The following CDC42BPB variants were observed in gnomAD, a reference collection of about 807,000 sequenced individuals.
CDC42BPB encodes serine/threonine-protein kinase MRCK beta.
In CDC42BPB, 37 loss-of-function variants were observed where a neutral mutation model predicts 214.9. That is an observed-to-expected ratio of 0.17 (90% confidence interval 0.13 to 0.23). The LOEUF (loss-of-function observed/expected upper bound fraction) is 0.23. Among genes scored for constraint, CDC42BPB ranks in the 10% least tolerant of loss-of-function variants. The pLI is 1.00. For synonymous variants in CDC42BPB, 931 were observed against 884.0 expected (o/e 1.05, Z -0.94); for missense variants, 1,694 against 2,227.0 (o/e 0.76, Z 4.82).
intron 1 of CDC42BPB, among the ~76,000 whole-genome samples, chr14:103,028,114 A>G (rs986337004): frequency 1.3e-5 from 2 of 152,230 alleles, no homozygotes; most frequent in African/African-American, 4.8e-5. Flanking sequence ...TGGGTGACAG[A>G]GCAAGACTCC....
At chr14:102,965,619 T>A (rs573647994) in intron 18 of CDC42BPB, among the ~76,000 whole-genome samples, 54 of 152,212 alleles carry the variant, frequency 3.5e-4, no homozygotes, top group Middle Eastern at 3.4e-3. Context: ...TGAACACAAT[T>A]GAGAATGCTT....
chr14:102,972,400 C>G (rs1381137248), intron 12 of CDC42BPB: 1 of 913,592 alleles, frequency 1.1e-6, no homozygotes, highest in African/African-American at 1.8e-5. Flanking sequence ...AAGAAAGGCC[C>G]CACAGGCCGG....
At chr14:103,018,596 G>C (rs1227326609) in intron 1 of CDC42BPB, among the ~76,000 whole-genome samples, 1 of 152,154 alleles carries the variant, frequency 6.6e-6, no homozygotes, top group Admixed American at 6.5e-5. Context: ...ATGTGCACTA[G>C]GTTTCTAGCC....
intron 24 of CDC42BPB, 176 bp from the exon 25 acceptor site, chr14:102,950,778 C>A: frequency 3.0e-6 from 2 of 672,994 alleles, no homozygotes; most frequent in Non-Finnish European, 3.7e-6. Flanking sequence ...CCAGCCTGGC[C>A]AACATGGTGA....
At chr14:102,934,902 C>T (rs147558195) in intron 36 of CDC42BPB, among the ~76,000 whole-genome samples, 4,804 of 144,738 alleles carry the variant, frequency 0.033, 83 homozygotes, top group Non-Finnish European at 0.041. Context: ...CCCAGCTACT[C>T]GGGAGGCTGA....
chr14:103,041,406 G>C (rs1269521783), intron 1 of CDC42BPB: 4 of 636,494 alleles, frequency 6.3e-6, no homozygotes, highest in Non-Finnish European at 1.0e-5. Flanking sequence ...AGATATGACA[G>C]CAAAAAAAAC....
chr14:102,970,210 G>C lies in CDC42BPB; in HGVS notation c.1936C>G (p.Leu646Val), dbSNP rs1247042382. Residue 646 changes from leucine (L) to valine (V), a missense_variant, in exon 14 of 37, where the codon CTT becomes GTT. This residue lies in a region of CDC42BPB where 462 missense variants were observed against 513.5 expected (regional missense o/e 0.90). Coordinates refer to ENST00000361246, the MANE Select transcript of CDC42BPB (RefSeq NM_006035.4). ...AVAEASKERK[L>V]REHSENFCKQ... ...CAGAAGTTCTCGCTGTGCTCACGAA[G>C]CTTGCGCTCCTTGGAGGCCTCAGCA... 1.2e-6 allele frequency: 2 copies of C among 1,613,932 alleles called. No homozygotes were observed. Among genetic ancestry groups the C allele is most frequent in the Admixed American group, 1.7e-5 (1 of 60,008 alleles).
At chr14:103,052,468 C>T (rs1888661668) in intron 1 of CDC42BPB, among the ~76,000 whole-genome samples, 1 of 152,012 alleles carries the variant, frequency 6.6e-6, no homozygotes, top group South Asian at 2.1e-4. Context: ...ATGTTTAGCA[C>T]CGTGTCAGTT....
At chr14:102,958,357 G>A (rs1351139472) in intron 21 of CDC42BPB, among the ~76,000 whole-genome samples, 1 of 152,222 alleles carries the variant, frequency 6.6e-6, no homozygotes, top group Non-Finnish European at 1.5e-5. Flanking sequence ...AGAGAAAGCA[G>A]ATGTAGCAAA....
At chr14:102,957,275 G>C (rs1367646405) in intron 21 of CDC42BPB, among the ~76,000 whole-genome samples, 2 of 151,692 alleles carry the variant, frequency 1.3e-5, no homozygotes, top group Non-Finnish European at 2.9e-5. Context: ...AGAGAATGAG[G>C]CATGAAGATG....
chr14:103,004,073 G>C lies in CDC42BPB; in HGVS notation c.352-50C>G. On this transcript the variant is annotated intron_variant, in intron 3 of 36. Coordinates refer to ENST00000361246, the MANE Select transcript of CDC42BPB (RefSeq NM_006035.4). The surrounding 1 kb of genome is among the most constrained non-coding windows in gnomAD (Gnocchi z 5.3). ...TCTGTGTTCACTGGGAAGCAGGCCA[G>C]AGAGCGTACTGCCGGTCTCGGGGTC... 3 of 1,534,886 alleles carry C rather than the reference G, an allele frequency of 2.0e-6. No homozygotes were observed. The South Asian group carries it at 3.5e-5, about 18-fold the overall frequency.
intron 18 of CDC42BPB, among the ~76,000 whole-genome samples, chr14:102,965,219 G>A (rs960725761): frequency 2.6e-5 from 4 of 151,884 alleles, no homozygotes; most frequent in African/African-American, 7.3e-5. Context: ...GGCATGAGCC[G>A]CTGCGCCTGG....
At chr14:102,978,937 G>A (rs185005914) in intron 8 of CDC42BPB, among the ~76,000 whole-genome samples, 1 of 152,308 alleles carries the variant, frequency 6.6e-6, no homozygotes, top group African/African-American at 2.4e-5. Flanking sequence ...AATATGGGAG[G>A]CTGAGGTTGC....
At chr14:102,964,403 T>C in intron 19 of CDC42BPB, 99 bp downstream of exon 19, 1 of 1,444,592 alleles carries the variant, frequency 6.9e-7, no homozygotes. Context: ...GTGGCCCCGA[T>C]TTTCCAGGCG....
At chr14:102,967,455 T>C in intron 16 of CDC42BPB, 1 of 628,348 alleles carries the variant, frequency 1.6e-6, no homozygotes, top group Non-Finnish European at 2.0e-6. Flanking sequence ...AACACATGAC[T>C]CCATTCAAAA....
At chr14:103,020,019 G>A (rs774869906) in intron 1 of CDC42BPB, among the ~76,000 whole-genome samples, 9 of 152,220 alleles carry the variant, frequency 5.9e-5, no homozygotes, top group Non-Finnish European at 1.2e-4. Context: ...CAGGGTGGGA[G>A]GGTCTGAGGA....
At position 103,004,772 on chromosome 14, in the gene CDC42BPB, G is replaced by A. The variant is rs34824325; in HGVS notation, c.352-749C>T. Among the ~76,000 whole-genome samples, 2,078 of 152,238 alleles carry A rather than the reference G, an allele frequency of 0.014. 18 individuals carry two copies. Among genetic ancestry groups the A allele is most frequent in the South Asian group, 0.037 (178 of 4,816 alleles). On this transcript the variant is annotated intron_variant, in intron 3 of 36. Transcript: ENST00000361246. The surrounding 1 kb of genome is among the most constrained non-coding windows in gnomAD (Gnocchi z 5.3). The stretch of plus-strand genomic sequence containing the variant: ...TAATCCCAGCTACATGGGAGGCTGA[G>A]GGGGGAGAACTGCTTGAGCCCAGGA...
chr14:102,941,609 G>A (rs1038872883), intron 30 of CDC42BPB: 76 of 958,268 alleles, frequency 7.9e-5, no homozygotes, highest in East Asian at 1.1e-4. Flanking sequence ...GTGGGGATTC[G>A]CTTGCAAGGA....
intron 1 of CDC42BPB, among the ~76,000 whole-genome samples, chr14:103,026,565 A>T (rs1394578373): frequency 1.3e-5 from 2 of 151,420 alleles, no homozygotes; most frequent in Admixed American, 6.6e-5. Context: ...GTTCAAAAGA[A>T]GCCATTAAGA....
Sources: gnomAD v4.1 joint callset for allele counts (sites outside exome capture counted in the v4.1 genomes callset) on GRCh38, gnomAD v4.1.1 for gene constraint, gnomAD v4.1.1 regional missense constraint, Gnocchi (gnomAD v3.1) non-coding constraint, MANE v1.5 for transcripts, NCBI Gene and HGNC (gene_info 2026-07-23, HGNC 2026-07-21) for gene names.